The following COL19A1 variants were observed in gnomAD, a reference collection of about 807,000 sequenced individuals.
COL19A1 encodes the protein collagen type XIX alpha 1 chain.
A neutral mutation model predicts 190.2 loss-of-function variants in COL19A1; 159 were observed. That is an observed-to-expected ratio of 0.84 (90% confidence interval 0.73 to 0.95). The LOEUF (loss-of-function observed/expected upper bound fraction) is 0.95. Ranked by LOEUF, COL19A1 falls within the 40% of genes least tolerant of loss-of-function variation. The probability of loss-of-function intolerance (pLI) is 0.00; values close to 1 mark genes in which losing one functional copy is unlikely to be tolerated. For missense variants in COL19A1, 1,418 were observed against 1,431.9 expected (o/e 0.99, Z 0.16); for synonymous variants, 509 against 458.9 (o/e 1.11, Z -1.39).
chr6:69,958,113 C>T (rs924285294), intron 9 of COL19A1, among the ~76,000 whole-genome samples: 7 of 152,104 alleles, frequency 4.6e-5, no homozygotes, highest in Non-Finnish European at 1.5e-5. Flanking sequence ...ATTAACAGTG[C>T]ATCTGGGTGT....
intron 11 of COL19A1, among the ~76,000 whole-genome samples, chr6:70,010,407 C>T (rs530156063): frequency 2.1e-5 from 3 of 141,488 alleles, no homozygotes; most frequent in East Asian, 2.5e-4. Context: ...CCAGCGTGAG[C>T]GACGCAGAAG....
intron 3 of COL19A1, among the ~76,000 whole-genome samples, chr6:69,899,959 T>G (rs1770058197): frequency 6.6e-6 from 1 of 152,206 alleles, no homozygotes; most frequent in African/African-American, 2.4e-5. Context: ...TAATTTTTAC[T>G]TAAGATAATT....
chr6:70,180,388 A>G, intron 43 of COL19A1, 32 bp downstream of exon 43: 1 of 1,613,994 alleles, frequency 6.2e-7, no homozygotes, highest in Non-Finnish European at 8.5e-7. Flanking sequence ...TGACAGTTGT[A>G]CTTGTGTTGT....
chr6:70,031,038 A>T (rs1324067826), intron 12 of COL19A1, among the ~76,000 whole-genome samples: 1 of 152,152 alleles, frequency 6.6e-6, no homozygotes, highest in East Asian at 1.9e-4. Flanking sequence ...TAAAACACTT[A>T]AGTGGCTTCC....
intron 15 of COL19A1, among the ~76,000 whole-genome samples, chr6:70,100,809 T>A (rs958195028): frequency 6.6e-6 from 1 of 152,164 alleles, no homozygotes; most frequent in Non-Finnish European, 1.5e-5. Flanking sequence ...ATTTTAAATC[T>A]GTTCTGTAGA....
rs978438148 is a variant in COL19A1, at chr6:70,188,689, A to G, written c.3027+444A>G. 5.0e-5 allele frequency among the ~76,000 whole-genome samples: 7 copies of G among 139,086 alleles called. No individual in the cohort carries two copies. In the East Asian group the frequency reaches 1.4e-3, roughly 29 times the overall value. 91.2% of individuals were successfully genotyped at this position (139,086 alleles called of 152,430 possible). A position where few individuals can be genotyped will look rare whatever the true frequency, so the allele number is the denominator to read the frequency against. The stretch of plus-strand genomic sequence containing the variant: ...CATTTCATACTCTATTTTGTTGAAT[A>G]TCAGAACAACAAATCTGCCATGAGT... On this transcript the variant is annotated intron_variant, in intron 47 of 50. Coordinates refer to ENST00000620364, the MANE Select transcript of COL19A1 (RefSeq NM_001858.6).
At chr6:70,086,244 A>G (rs1167966256) in intron 15 of COL19A1, among the ~76,000 whole-genome samples, 3 of 152,154 alleles carry the variant, frequency 2.0e-5, no homozygotes, top group Admixed American at 6.5e-5. Flanking sequence ...CAGCAGTTAA[A>G]TATAACAAAC....
chr6:70,052,789 A>G, intron 14 of COL19A1, among the ~76,000 whole-genome samples: 1 of 152,212 alleles, frequency 6.6e-6, no homozygotes, highest in East Asian at 1.9e-4. Flanking sequence ...ATTTATTTGG[A>G]AGTGCAAGTA....
At chr6:70,184,014 T>C (rs572826783) in intron 44 of COL19A1, among the ~76,000 whole-genome samples, 1 of 152,354 alleles carries the variant, frequency 6.6e-6, no homozygotes, top group Admixed American at 6.5e-5. Context: ...AGGACTAGGC[T>C]TCGTTATCAC....
chr6:70,081,337 A>C (rs867164121), intron 15 of COL19A1, among the ~76,000 whole-genome samples: 2 of 152,246 alleles, frequency 1.3e-5, no homozygotes, highest in Middle Eastern at 3.4e-3. Context: ...AAAACAAACC[A>C]TTTATTTTGC....
chr6:70,078,988 TC>T (rs1487072069), intron 15 of COL19A1, among the ~76,000 whole-genome samples: 1 of 151,974 alleles, frequency 6.6e-6, no homozygotes, highest in African/African-American at 2.4e-5. Context: ...AATCTCTTAA[TC>T]CCAGGAGACA....
chr6:70,027,411 G>A (rs1778785239), intron 12 of COL19A1, among the ~76,000 whole-genome samples: 1 of 152,190 alleles, frequency 6.6e-6, no homozygotes, highest in South Asian at 2.1e-4. Flanking sequence ...ATTTTGGCAA[G>A]ACAGTTCTTT....
At chr6:69,966,415 T>C (rs1775107813) in intron 11 of COL19A1, among the ~76,000 whole-genome samples, 1 of 152,208 alleles carries the variant, frequency 6.6e-6, no homozygotes, top group African/African-American at 2.4e-5. Context: ...CTCCATTTTG[T>C]TCTGTACTAA....
chr6:70,016,969 T>A (rs1778145669), intron 11 of COL19A1, among the ~76,000 whole-genome samples: 1 of 152,102 alleles, frequency 6.6e-6, no homozygotes, highest in Non-Finnish European at 1.5e-5. Flanking sequence ...GTTAAACACA[T>A]ACTTACCTAT....
At chr6:69,894,815 A>T (rs1031093475) in intron 2 of COL19A1, among the ~76,000 whole-genome samples, 6 of 152,178 alleles carry the variant, frequency 3.9e-5, no homozygotes, top group African/African-American at 1.4e-4. Context: ...AGCACACCAG[A>T]TTGGCCACAG....
chr6:69,893,075 C>A (rs935692334), intron 2 of COL19A1, among the ~76,000 whole-genome samples: 2 of 152,184 alleles, frequency 1.3e-5, no homozygotes, highest in African/African-American at 4.8e-5. Flanking sequence ...AAATAAATTT[C>A]TTCGACTATG....
At chr6:69,927,586 G>A (rs369589886) in intron 4 of COL19A1, among the ~76,000 whole-genome samples, 6 of 152,186 alleles carry the variant, frequency 3.9e-5, no homozygotes, top group African/African-American at 9.6e-5. Flanking sequence ...ACAAAATCAA[G>A]TCATACCATT....
At chr6:70,056,235 T>C (rs546349404) in intron 14 of COL19A1, among the ~76,000 whole-genome samples, 3 of 152,340 alleles carry the variant, frequency 2.0e-5, no homozygotes, top group African/African-American at 7.2e-5. Flanking sequence ...TGTTTTGTTT[T>C]GTTTTTTCAC....
chr6:70,005,177 G>T (rs1777542633), intron 11 of COL19A1, among the ~76,000 whole-genome samples: 1 of 152,058 alleles, frequency 6.6e-6, no homozygotes, highest in African/African-American at 2.4e-5. Context: ...CCTCCGTCCA[G>T]TTCTGTACCC....
Sources: allele counts gnomAD v4.1 joint callset (sites outside exome capture counted in the v4.1 genomes callset), GRCh38; gene constraint gnomAD v4.1.1; transcripts MANE v1.5; gene names NCBI Gene and HGNC (gene_info 2026-07-23, HGNC 2026-07-21).